UBA6: variants seen among roughly 807,000 people sequenced by gnomAD.
The protein encoded by UBA6 is ubiquitin like modifier activating enzyme 6, also known as ubiquitin-like modifier-activating enzyme 6.
In UBA6, 87 loss-of-function variants were observed where a neutral mutation model predicts 148.3. That is an observed-to-expected ratio of 0.59 (90% CI 0.49 to 0.70). The LOEUF is 0.70. Among genes scored for constraint, UBA6 ranks in the 30% least tolerant of loss-of-function variants. UBA6 has a pLI of 0.00. For synonymous variants in UBA6, 376 were observed against 401.0 expected (o/e 0.94, Z 0.75); for missense variants, 1,186 against 1,241.2 (o/e 0.96, Z 0.67).
rs1729624364 is a variant in UBA6 at position 67,654,184 on chromosome 4, GAAC to G, written c.1105-4976_1105-4974del. ...AACATTCAAATTCAGGAAATACAGA[GAAC>G]AACACAAAGATACTCCTCGAGAAGA... On this transcript the variant is annotated intron_variant, in intron 13 of 32. Coordinates refer to ENST00000322244, the MANE Select transcript of UBA6 (RefSeq NM_018227.6). 2.0e-5 allele frequency among the ~76,000 whole-genome samples: 3 copies of G among 152,020 alleles called. No individual in the cohort carries two copies. The South Asian group carries it at 6.2e-4, about 32-fold the overall frequency.
At chr4:67,643,919 A>G (rs1412631079) in intron 17 of UBA6, among the ~76,000 whole-genome samples, 2 of 152,098 alleles carry the variant, frequency 1.3e-5, no homozygotes, top group Non-Finnish European at 2.9e-5. Flanking sequence ...AATCAACACA[A>G]GTAATAGTGG....
chr4:67,694,088 T>G (rs1730765655), intron 2 of UBA6, among the ~76,000 whole-genome samples: 1 of 151,110 alleles, frequency 6.6e-6, no homozygotes, highest in Non-Finnish European at 1.5e-5. Context: ...TGGTGGTGCA[T>G]GCCTGTAGTC....
At chr4:67,622,368 ATACT>A (rs762687812) in intron 32 of UBA6, among the ~76,000 whole-genome samples, 12 of 152,284 alleles carry the variant, frequency 7.9e-5, no homozygotes, top group Middle Eastern at 3.4e-3. Context: ...TTTCTCCATA[ATACT>A]TACTATCACC....
At chr4:67,662,057 A>C (rs1729871186) in intron 13 of UBA6, 132 bp downstream of exon 13, 2 of 717,334 alleles carry the variant, frequency 2.8e-6, no homozygotes, top group Non-Finnish European at 4.7e-6. Context: ...ATTAAAACAG[A>C]ACAAACTGAA....
chr4:67,654,901 T>G (rs145250522), intron 13 of UBA6, among the ~76,000 whole-genome samples: 18,770 of 148,958 alleles, frequency 0.13, 1,298 homozygotes, highest in South Asian at 0.21. Flanking sequence ...TCCTAGTCTC[T>G]GATAAAACAG....
intron 20 of UBA6, among the ~76,000 whole-genome samples, chr4:67,635,106 T>A (rs997507739): frequency 6.6e-6 from 1 of 152,256 alleles, no homozygotes; most frequent in South Asian, 2.1e-4. Flanking sequence ...ATGACTCACT[T>A]TGTCTCAGCA....
chr4:67,694,213 CT>C (rs1730770483), intron 2 of UBA6, among the ~76,000 whole-genome samples: 2 of 27,972 alleles, frequency 7.2e-5, no homozygotes, highest in Non-Finnish European at 1.2e-4. Context: ...AAGACTCCAT[CT>C]CAAAAAAAAA....
intron 13 of UBA6, among the ~76,000 whole-genome samples, chr4:67,651,861 G>C (rs1036229408): frequency 7.2e-5 from 11 of 152,094 alleles, no homozygotes; most frequent in Non-Finnish European, 1.6e-4. Flanking sequence ...AAATGGGCTA[G>C]AATAGCTGGA....
At chr4:67,633,611 C>T (rs1729053214) in intron 22 of UBA6, 138 bp from the exon 23 acceptor site, 1 of 654,320 alleles carries the variant, frequency 1.5e-6, no homozygotes, top group Non-Finnish European at 2.3e-6. Context: ...AGCTCCTTTT[C>T]CCTTCCTTCT....
chr4:67,666,172 AC>A (rs1729991269), intron 9 of UBA6, among the ~76,000 whole-genome samples: 1 of 152,174 alleles, frequency 6.6e-6, no homozygotes, highest in East Asian at 1.9e-4. Context: ...AGCCTGGATA[AC>A]ACAGTGAGAC....
intron 31 of UBA6, 65 bp from the exon 32 acceptor site, chr4:67,622,990 C>T: frequency 1.4e-6 from 2 of 1,431,058 alleles, no homozygotes; most frequent in East Asian, 2.3e-5. Context: ...GCTTATTTAA[C>T]ATTGTTCGTA....
chr4:67,693,296 T>C (rs1730739150), intron 2 of UBA6, among the ~76,000 whole-genome samples: 1 of 151,952 alleles, frequency 6.6e-6, no homozygotes, highest in Non-Finnish European at 1.5e-5. Flanking sequence ...CTTAACATTT[T>C]ATTTTCTCTA....
intron 13 of UBA6, among the ~76,000 whole-genome samples, chr4:67,658,308 G>C (rs1264867020): frequency 6.6e-6 from 1 of 152,190 alleles, no homozygotes; most frequent in Non-Finnish European, 1.5e-5. Context: ...AGGTATATAA[G>C]AGAAACAAAG....
intron 19 of UBA6, among the ~76,000 whole-genome samples, chr4:67,636,045 T>C (rs354868): frequency 0.91 from 138,754 of 152,170 alleles, 63,376 homozygotes; most frequent in East Asian, 0.99. Context: ...TTCTCCCCTG[T>C]TAATATATCT....
rs1355559896 is a variant in UBA6, at chr4:67,616,330, T to C, written c.*2667A>G. On this transcript the variant is annotated 3_prime_UTR_variant, in exon 33 of 33. Coordinates refer to ENST00000322244, the MANE Select transcript of UBA6 (RefSeq NM_018227.6). ...CGAGATTTTTTTTTTCCCTAAAAATTTCAAAAGAACAATTTTCTATCTTCA... is the reference window on the plus strand; with the variant it reads ...CGAGATTTTTTTTTTCCCTAAAAATCTCAAAAGAACAATTTTCTATCTTCA... The C allele has an allele frequency of 2.6e-6, 1 of 378,298 alleles. No homozygotes were observed. Among genetic ancestry groups the C allele is most frequent in the East Asian group, 3.7e-5 (1 of 27,106 alleles). 23.4% of individuals were successfully genotyped at this position (378,298 alleles called of 1,614,324 possible).
intron 13 of UBA6, among the ~76,000 whole-genome samples, chr4:67,658,663 G>A (rs780615486): frequency 2.9e-4 from 44 of 151,920 alleles, no homozygotes; most frequent in Admixed American, 1.3e-4. Context: ...TAACAAACTT[G>A]TACATGTAAC....
intron 2 of UBA6, among the ~76,000 whole-genome samples, chr4:67,696,179 G>C (rs1390863156): frequency 6.6e-6 from 1 of 152,036 alleles, no homozygotes; most frequent in Non-Finnish European, 1.5e-5. Flanking sequence ...TATGACTAAA[G>C]TGAAATATTA....
At chr4:67,686,419 T>C (rs1441728961) in intron 2 of UBA6, among the ~76,000 whole-genome samples, 2 of 152,182 alleles carry the variant, frequency 1.3e-5, no homozygotes, top group African/African-American at 2.4e-5. Flanking sequence ...CATGCACGCA[T>C]ATATTTATTA....
At position 67,634,315 on chromosome 4, in the gene UBA6, C is replaced by A. The variant is rs770931104; in HGVS notation, c.1940G>T (p.Ser647Ile). 14 of 1,590,102 alleles carry A rather than the reference C, an allele frequency of 8.8e-6. No homozygotes were observed. The African/African-American group carries it at 1.8e-4, about 20-fold the overall frequency. Reference protein sequence around the residue: ...TIQWARDKFESSFSHKPSLFN... With the variant: ...TIQWARDKFEISFSHKPSLFN... ...CAATGAAGGTTTGTGGGAAAAGGAA[C>A]TTTCAAACTGTAACAGAGAAAAGAA... is the stretch of plus-strand genomic sequence containing the variant. The change falls in exon 22 of 33, where the codon AGT becomes ATT. Residue 647 changes from serine to isoleucine, a missense_variant. Coordinates refer to ENST00000322244, the MANE Select transcript of UBA6 (RefSeq NM_018227.6).
Sources: allele counts gnomAD v4.1 joint callset (sites outside exome capture counted in the v4.1 genomes callset), GRCh38; gene constraint gnomAD v4.1.1; transcripts MANE v1.5; gene names NCBI Gene and HGNC (gene_info 2026-07-23, HGNC 2026-07-21).